Variants in GAREM1 observed in about 807,000 individuals in gnomAD.
The protein encoded by GAREM1 is GRB2 associated regulator of MAPK1 subtype 1.
In GAREM1, 26 loss-of-function variants were observed where a neutral mutation model predicts 71.3. The observed-to-expected ratio is 0.36, with a 90% confidence interval of 0.27 to 0.51. The LOEUF (loss-of-function observed/expected upper bound fraction) is 0.51, where lower values mean the gene tolerates loss of function less well. Among genes scored for constraint, GAREM1 ranks in the 20% least tolerant of loss-of-function variants. The probability of loss-of-function intolerance (pLI) is 0.95; values close to 1 mark genes in which losing one functional copy is unlikely to be tolerated. For synonymous variants in GAREM1, 440 were observed against 433.2 expected (o/e 1.02, Z -0.20); for missense variants, 1,026 against 1,103.1 (o/e 0.93, Z 0.99).
intron 4 of GAREM1, among the ~76,000 whole-genome samples, chr18:32,282,208 T>A (rs1312937740): frequency 6.6e-6 from 1 of 152,006 alleles, no homozygotes. Context: ...CACACGGACG[T>A]GCATGAAAAA....
At chr18:32,320,180 C>T (rs2144536939) in intron 2 of GAREM1, among the ~76,000 whole-genome samples, 1 of 152,260 alleles carries the variant, frequency 6.6e-6, no homozygotes, top group Non-Finnish European at 1.5e-5. Flanking sequence ...ATTATCATTG[C>T]CAGTCCAACA....
chr18:32,414,755 A>T (rs1327567648), intron 1 of GAREM1, among the ~76,000 whole-genome samples: 1 of 152,110 alleles, frequency 6.6e-6, no homozygotes, highest in Non-Finnish European at 1.5e-5. Flanking sequence ...ATAAATGCCT[A>T]TATCAAAAAG....
At position 32,440,387 on chromosome 18, in the gene GAREM1, C is replaced by G. The variant is rs1023195740; in HGVS notation, c.121+29921G>C. ...GTTGATATGTCCTAGTTCAAATTCTCAAGAGAGAATTAACCAGCCAGCCCT... is the reference window on the plus strand; with the variant it reads ...GTTGATATGTCCTAGTTCAAATTCTGAAGAGAGAATTAACCAGCCAGCCCT... On this transcript the variant is annotated intron_variant, in intron 1 of 5. Coordinates refer to ENST00000269209, the MANE Select transcript of GAREM1 (RefSeq NM_001242409.2). 2.6e-5 allele frequency among the ~76,000 whole-genome samples: 4 copies of G among 152,072 alleles called. No homozygotes were observed. The East Asian group carries it at 5.8e-4, about 22-fold the overall frequency.
intron 2 of GAREM1, among the ~76,000 whole-genome samples, chr18:32,330,902 A>G (rs2047527829): frequency 6.6e-6 from 1 of 152,216 alleles, no homozygotes; most frequent in South Asian, 2.1e-4. Context: ...TGATAAAAAA[A>G]TTAAAACATT....
chr18:32,468,960 T>TCCCCCCCCC (rs34977174), intron 1 of GAREM1, among the ~76,000 whole-genome samples: 331 of 82,150 alleles, frequency 4.0e-3, no homozygotes, highest in African/African-American at 5.5e-3. Context: ...CACCTGTGCG[T>TCCCCCCCCC]CCCCCCCCCC....
At chr18:32,341,835 G>A (rs1327355489) in intron 2 of GAREM1, among the ~76,000 whole-genome samples, 1 of 152,082 alleles carries the variant, frequency 6.6e-6, no homozygotes, top group African/African-American at 2.4e-5. Flanking sequence ...GAACTGGAGA[G>A]AAGTGAATGG....
intron 2 of GAREM1, among the ~76,000 whole-genome samples, chr18:32,311,024 T>C (rs1434354489): frequency 1.3e-5 from 2 of 152,202 alleles, no homozygotes; most frequent in Non-Finnish European, 2.9e-5. Context: ...CTGCTATATA[T>C]GAAATTCATG....
intron 5 of GAREM1, among the ~76,000 whole-genome samples, chr18:32,269,388 T>C (rs2041424568): frequency 6.6e-6 from 1 of 152,176 alleles, no homozygotes; most frequent in South Asian, 2.1e-4. Flanking sequence ...TGTGGAGCGG[T>C]AGCTTAGGCT....
intron 1 of GAREM1, among the ~76,000 whole-genome samples, chr18:32,433,228 T>C (rs969480089): frequency 1.3e-5 from 2 of 150,600 alleles, no homozygotes; most frequent in Non-Finnish European, 3.0e-5. Flanking sequence ...AACATACCTT[T>C]ATGATTAAAA....
At position 32,364,038 on chromosome 18, in the gene GAREM1, T is replaced by TTGTTTTTG. The variant is rs1298852686; in HGVS notation, c.262+28856_262+28857insCAAAAACA. ...TATATATATATATATGTTTTTTTTT[T>TTGTTTTTG]TTTTTTTTTTTTGTGAGACACAGCC... On this transcript the variant is annotated intron_variant, in intron 2 of 5. Transcript: ENST00000269209. 1.4e-4 allele frequency among the ~76,000 whole-genome samples: 7 copies of TTGTTTTTG among 51,302 alleles called. No homozygotes were observed. In the South Asian group the frequency reaches 3.4e-3, roughly 25 times the overall value. The allele number at this position is 51,302 out of a possible 152,430, so 33.7% of individuals were successfully genotyped here. A position where few individuals can be genotyped will look rare whatever the true frequency, so the allele number is the denominator to read the frequency against.
intron 2 of GAREM1, among the ~76,000 whole-genome samples, chr18:32,389,397 G>C (rs978575203): frequency 4.6e-5 from 7 of 152,074 alleles, no homozygotes; most frequent in African/African-American, 1.2e-4. Flanking sequence ...TTTCTCTTTC[G>C]ATCTTCACAA....
chr18:32,282,091 C>T (rs2046958644), intron 4 of GAREM1, among the ~76,000 whole-genome samples: 2 of 151,972 alleles, frequency 1.3e-5, no homozygotes, highest in Admixed American at 6.6e-5. Flanking sequence ...ATAAAACGGC[C>T]CCACCCCTAT....
chr18:32,335,324 A>C (rs933082037), intron 2 of GAREM1, among the ~76,000 whole-genome samples: 1 of 152,220 alleles, frequency 6.6e-6, no homozygotes, highest in East Asian at 1.9e-4. Flanking sequence ...CAGTTCAAAC[A>C]GGCCTTAAGT....
chr18:32,296,204 G>A (rs559396968), intron 3 of GAREM1, among the ~76,000 whole-genome samples: 4 of 152,070 alleles, frequency 2.6e-5, no homozygotes, highest in East Asian at 3.9e-4. Flanking sequence ...CTTGTGATCC[G>A]CCTGCCTCAG....
chr18:32,390,003 C>CA (rs535210515), intron 2 of GAREM1, among the ~76,000 whole-genome samples: 138 of 152,098 alleles, frequency 9.1e-4, no homozygotes, highest in African/African-American at 3.2e-3. Context: ...CTGGTATCTA[C>CA]AAAAAATTGA....
Position 32,392,906 on chromosome 18 carries a change from A to C in GAREM1, c.251T>G (p.Val84Gly), listed in dbSNP as rs1390516083. The change falls in exon 2 of 6, where the codon GTA (valine) becomes GGA (glycine). Residue 84 changes from valine to glycine, a missense_variant. Coordinates refer to ENST00000269209, the MANE Select transcript of GAREM1 (RefSeq NM_001242409.2). The part of the protein sequence containing the change: ...YVIGPKIEIP[V>G]HYAGQFKLLE... ...TGGAGGAGTCTTACCTGCATAATGT[A>C]CCGGAATCTCTATCTTTGGCCCAAT... 1 of 1,613,698 alleles carries C rather than the reference A, an allele frequency of 6.2e-7. No individual in the cohort carries two copies.
intron 1 of GAREM1, among the ~76,000 whole-genome samples, chr18:32,405,307 G>A (rs996443207): frequency 3.3e-5 from 5 of 151,522 alleles, no homozygotes; most frequent in East Asian, 1.9e-4. Flanking sequence ...CAAGTGATTC[G>A]CCTGCCTCAG....
chr18:32,410,494 T>C (rs1366241902), intron 1 of GAREM1, among the ~76,000 whole-genome samples: 1 of 152,132 alleles, frequency 6.6e-6, no homozygotes, highest in Non-Finnish European at 1.5e-5. Flanking sequence ...ACTACAGGTA[T>C]GCACCGCCAC....
intron 2 of GAREM1, among the ~76,000 whole-genome samples, chr18:32,314,261 T>C (rs1407817370): frequency 6.6e-6 from 1 of 152,172 alleles, no homozygotes; most frequent in Non-Finnish European, 1.5e-5. Flanking sequence ...AGCTGAGCAA[T>C]TCTCCATGCA....
Sources: allele counts gnomAD v4.1 joint callset (sites outside exome capture counted in the v4.1 genomes callset), GRCh38; gene constraint gnomAD v4.1.1; transcripts MANE v1.5; gene names NCBI Gene and HGNC (gene_info 2026-07-23, HGNC 2026-07-21).